MYH2: variants seen among roughly 807,000 people sequenced by gnomAD.
MYH2 encodes myosin heavy chain 2.
A neutral mutation model predicts 228.1 loss-of-function variants in MYH2; 139 were observed. That is an observed-to-expected ratio of 0.61 (90% CI 0.53 to 0.70). MYH2 has a LOEUF of 0.70. MYH2 is among the 30% of genes least tolerant of loss of function. The probability of loss-of-function intolerance (pLI) is 0.00; values close to 1 mark genes in which losing one functional copy is unlikely to be tolerated. For synonymous variants in MYH2, 796 were observed against 871.1 expected (o/e 0.91, Z 1.52); for missense variants, 1,809 against 2,357.5 (o/e 0.77, Z 4.82).
At chr17:10,535,006 T>A in intron 19 of MYH2, 67 bp downstream of exon 19, 1 of 1,529,360 alleles carries the variant, frequency 6.5e-7, no homozygotes, top group Non-Finnish European at 9.1e-7. Flanking sequence ...TTTCACTAAA[T>A]TGTTTTGCTT....
chr17:10,540,507 C>T, intron 11 of MYH2, 87 bp downstream of exon 11: 1 of 1,168,564 alleles, frequency 8.6e-7, no homozygotes, highest in African/African-American at 1.5e-5. Flanking sequence ...TCTTCTTTTG[C>T]CATTTCTACT....
In MYH2 at chr17:10,533,326, C is replaced by A. The variant is rs779899332; in HGVS notation, c.2400G>T (p.Gly800=). 1 of 1,614,108 alleles carries A rather than the reference C, an allele frequency of 6.2e-7. No individual in the cohort carries two copies. Among genetic ancestry groups the A allele is most frequent in the African/African-American group, 1.3e-5 (1 of 74,940 alleles). The part of the protein sequence containing the change: ...LITRTQARCR[G]FLARVEYQRM... ...TCTGGTACTCCACTCTTGCCAAGAA[C>A]CCTCTGCACCTGGCCTGGGTTCGGG... The change falls in exon 21 of 40, where the codon GGG becomes GGT. Residue 800 remains glycine, a synonymous_variant. Coordinates refer to ENST00000245503, the MANE Select transcript of MYH2 (RefSeq NM_017534.6).
chr17:10,523,077 T>C lies in MYH2; in HGVS notation c.5673+13A>G. On this transcript the variant is annotated intron_variant, in intron 39 of 39. Coordinates refer to ENST00000245503, the MANE Select transcript of MYH2 (RefSeq NM_017534.6). ...TAGCTTAATTTGAGGACTTCAATCT[T>C]AAAAATACTTACAGCCTCCTCAGCT... 6.3e-7 allele frequency: 1 copy of C among 1,590,118 alleles called. No homozygotes were observed. Among genetic ancestry groups the C allele is most frequent in the African/African-American group, 1.3e-5 (1 of 74,498 alleles).
chr17:10,542,656 A>G (rs934081393), intron 10 of MYH2, among the ~76,000 whole-genome samples: 2 of 152,220 alleles, frequency 1.3e-5, no homozygotes, highest in African/African-American at 4.8e-5. Flanking sequence ...TGGTTATTTC[A>G]TAGTAGTAGG....
At chr17:10,527,378 A>G (rs1158068501) in intron 28 of MYH2, among the ~76,000 whole-genome samples, 1 of 152,230 alleles carries the variant, frequency 6.6e-6, no homozygotes, top group East Asian at 1.9e-4. Flanking sequence ...TCCCCATTCC[A>G]TAGGACTTTT....
Position 10,543,098 on chromosome 17 carries a change from A to C in MYH2, c.805T>G (p.Tyr269Asp). 6.2e-7 allele frequency: 1 copy of C among 1,610,894 alleles called. No individual in the cohort carries two copies. The highest frequency in any genetic ancestry group is 1.1e-5 in the South Asian group (1 of 90,890). The change falls in exon 9 of 40, where the codon TAT (tyrosine) becomes GAT (aspartate). Residue 269 changes from tyrosine (Y) to aspartate (D), a missense_variant and splice_region_variant. Physicochemically the swap from Tyr to Asp is radical, Grantham distance 160. Transcript: ENST00000245503. Reference protein sequence around the residue: ...GKLASADIETYLLEKSRVVFQ... With the variant: ...GKLASADIETDLLEKSRVVFQ... Reference sequence around the variant, plus strand: ...ATTTTAAAGATATCTGAACACTTACATGTTTCAATATCAGCAGATGCCAGT... The same window carrying C: ...ATTTTAAAGATATCTGAACACTTACCTGTTTCAATATCAGCAGATGCCAGT...
rs751997182 is a variant in MYH2 at position 10,526,580 on chromosome 17, C to G, written c.4187+19G>C. On this transcript the variant is annotated intron_variant, in intron 30 of 39. Transcript: ENST00000245503. ...ATATGCAAAGTTTTCTGCTCATTCT[C>G]TCATATCTGTGCACATACTTGGCCT... 6.2e-7 allele frequency: 1 copy of G among 1,613,934 alleles called. No individual in the cohort carries two copies. Among genetic ancestry groups the G allele is most frequent in the Non-Finnish European group, 8.5e-7 (1 of 1,179,806 alleles).
intron 39 of MYH2, 136 bp from the exon 40 acceptor site, chr17:10,521,568 G>T: frequency 1.6e-6 from 1 of 624,762 alleles, no homozygotes; most frequent in Non-Finnish European, 2.7e-6. Flanking sequence ...TTTAAGATTT[G>T]TTTATTGATG....
rs1319474541 is a variant in MYH2 at position 10,545,365 on chromosome 17, G to A, written c.486C>T (p.Ala162=). 2 of 1,613,662 alleles carry A rather than the reference G, an allele frequency of 1.2e-6. No homozygotes were observed. Among genetic ancestry groups the A allele is most frequent in the African/African-American group, 1.3e-5 (1 of 74,896 alleles). ...ACTCACCAGTCAGCATGAACTGATA[G>A]GCGTTGTCAGAGATGGAGAAGATGT... ...PPHIFSISDN[A]YQFMLTDREN... is the part of the protein sequence containing the mutation. Residue 162 remains alanine (A), a synonymous_variant, in exon 5 of 40, where the codon GCC becomes GCT. Coordinates refer to ENST00000245503, the MANE Select transcript of MYH2 (RefSeq NM_017534.6).
chr17:10,539,111 G>A, intron 14 of MYH2, 94 bp downstream of exon 14: 13 of 1,601,770 alleles, frequency 8.1e-6, no homozygotes, highest in Non-Finnish European at 2.6e-6. Context: ...TTTCTACAGT[G>A]GTAAGAAAAG....
At chr17:10,532,019 A>G (rs1038921821) in intron 21 of MYH2, 131 bp from the exon 22 acceptor site, 29 of 1,154,360 alleles carry the variant, frequency 2.5e-5, no homozygotes, top group Admixed American at 1.2e-4. Context: ...AAAAAATTCT[A>G]TTTCGGGATG....
rs748040937 is a variant in MYH2 at position 10,523,305 on chromosome 17, T to C, written c.5577+3A>G. On this transcript the variant is annotated splice_donor_region_variant and intron_variant, in intron 38 of 39. Transcript: ENST00000245503. The stretch of plus-strand genomic sequence containing the variant: ...CTTAGCCGCTAAAAACTACTGGCTG[T>C]ACCTGGTAAGTGAGTTCCTTCACTC... 2 of 1,614,102 alleles carry C rather than the reference T, an allele frequency of 1.2e-6. No homozygotes were observed. The highest frequency in any genetic ancestry group is 1.3e-5 in the African/African-American group (1 of 74,934).
At chr17:10,533,243 GT>G (rs2073444352) in intron 21 of MYH2, 41 bp downstream of exon 21, 7 of 1,611,622 alleles carry the variant, frequency 4.3e-6, no homozygotes, top group South Asian at 1.1e-5. Context: ...TTTCAAATAT[GT>G]TTTTGAAGAT....
Position 10,526,982 on chromosome 17 carries a change from G to T in MYH2, c.3946C>A (p.Gln1316Lys), listed in dbSNP as rs554431336. 42 of 1,614,146 alleles carry T rather than the reference G, an allele frequency of 2.6e-5. No homozygotes were observed. In the Middle Eastern group the frequency reaches 8.2e-4, roughly 32 times the overall value. Residue 1316 changes from glutamine (Q) to lysine (K), a missense_variant, in exon 29 of 40, where the codon CAA becomes AAA. Physicochemically the swap from Gln to Lys is moderately conservative, Grantham distance 53. This residue lies in a region of MYH2 where 636 missense variants were observed against 729.9 expected (regional missense o/e 0.87). Transcript: ENST00000245503. The part of the protein sequence containing the change: ...QLSRGKQAFT[Q>K]QIEELKRQLE... ...TGCCTCTTTAATTCTTCAATCTGTT[G>T]AGTAAAGGCTTGTTTGCCTCTTGAT...
At chr17:10,548,415 G>A (rs1029428731) in intron 2 of MYH2, among the ~76,000 whole-genome samples, 1 of 152,192 alleles carries the variant, frequency 6.6e-6, no homozygotes, top group East Asian at 1.9e-4. Context: ...ATTTATATAT[G>A]AGATGTCATG....
rs1378547305 is a variant in MYH2 at position 10,531,862 on chromosome 17, T to C, written c.2468A>G (p.Asn823Ser). 6.2e-6 allele frequency: 10 copies of C among 1,614,020 alleles called. 1 individual carries two copies. The highest frequency in any genetic ancestry group is 1.6e-4 in the Middle Eastern group (1 of 6,084). The change falls in exon 22 of 40, where the codon AAT (asparagine) becomes AGT (serine). Residue 823 changes from asparagine to serine, a missense_variant. Asn to Ser is a conservative substitution (Grantham distance 46, BLOSUM62 1). Around this residue, in one of 9 missense-constraint regions of MYH2, gnomAD observed 276 missense variants for 344.2 expected, o/e 0.80. Coordinates refer to ENST00000245503, the MANE Select transcript of MYH2 (RefSeq NM_017534.6). Reference protein sequence around the residue: ...RREAIFCIQYNIRSFMNVKHW... With the variant: ...RREAIFCIQYSIRSFMNVKHW... ...CTTGACATTCATGAAGGATCTGATA[T>C]TGTACTGGATACAGAAGATGGCCTC... is the stretch of plus-strand genomic sequence containing the variant.
At chr17:10,533,718 A>G (rs2073451563) in intron 19 of MYH2, 86 bp from the exon 20 acceptor site, 1 of 1,492,800 alleles carries the variant, frequency 6.7e-7, no homozygotes, top group Non-Finnish European at 9.3e-7. Flanking sequence ...TTTTTAAAGC[A>G]GAGCTTTAAA....
chr17:10,539,153 T>C, intron 14 of MYH2, 52 bp downstream of exon 14: 2 of 1,613,180 alleles, frequency 1.2e-6, no homozygotes, highest in Non-Finnish European at 1.7e-6. Flanking sequence ...TTCATATAGA[T>C]ATTTCCATTG....
rs1229951197 is a variant in MYH2, at chr17:10,524,229, GAT to G, written c.5175+235_5175+236del. ...AATATTGATAATGAGGGCCAATAAA[GAT>G]ATTAACACAATAGAATACGGGGGCA... On this transcript the variant is annotated intron_variant, in intron 35 of 39. Transcript: ENST00000245503. This position sits in a 1 kb window ranked among gnomAD's most constrained non-coding sequence, Gnocchi z 4.7. Among the ~76,000 whole-genome samples, 1 of 152,124 alleles carries G rather than the reference GAT, an allele frequency of 6.6e-6. No individual in the cohort carries two copies. The highest frequency in any genetic ancestry group is 1.5e-5 in the Non-Finnish European group (1 of 68,028).
Sources: gnomAD v4.1 joint callset for allele counts (sites outside exome capture counted in the v4.1 genomes callset) on GRCh38, gnomAD v4.1.1 for gene constraint, gnomAD v4.1.1 regional missense constraint, Gnocchi (gnomAD v3.1) non-coding constraint, MANE v1.5 for transcripts, NCBI Gene and HGNC (gene_info 2026-07-23, HGNC 2026-07-21) for gene names.